Variants in CSMD3 observed in about 807,000 individuals in gnomAD.
The protein encoded by CSMD3 is CUB and Sushi multiple domains 3.
A neutral mutation model predicts 435.2 loss-of-function variants in CSMD3; 177 were observed. The ratio of observed to expected loss-of-function variants is 0.41; its 90% CI spans 0.36 to 0.46. The LOEUF is 0.46. CSMD3 is among the 20% of genes least tolerant of loss of function. The pLI, the probability that CSMD3 is intolerant of heterozygous loss-of-function variation, is 0.34. For synonymous variants in CSMD3, 1,656 were observed against 1,520.5 expected (o/e 1.09, Z -2.07); for missense variants, 4,265 against 4,504.6 (o/e 0.95, Z 1.52).
At chr8:112,227,974 A>G (rs767459383) in intron 70 of CSMD3, among the ~76,000 whole-genome samples, 14 of 152,174 alleles carry the variant, frequency 9.2e-5, no homozygotes, top group South Asian at 2.1e-4. Context: ...CCTGGGAGGC[A>G]GATGTTACAG....
In CSMD3 at chr8:112,306,142, T is replaced by C; in HGVS notation, c.7936A>G (p.Thr2646Ala). ...ACTCGCGTTCCTACCAAATAGTCTGTTGTTAGTATTCCTCCATTTGTTGGA... is the reference window on the plus strand; with the variant it reads ...ACTCGCGTTCCTACCAAATAGTCTGCTGTTAGTATTCCTCCATTTGTTGGA... ...KAPTNGGILT[T>A]DYLVGTRVTY... Residue 2646 changes from threonine (T) to alanine (A), a missense_variant, in exon 51 of 71, where the codon ACA (threonine) becomes GCA (alanine). This residue lies in a region of CSMD3 where 3,255 missense variants were observed against 3,380.2 expected (regional missense o/e 0.96). Coordinates refer to ENST00000297405, the MANE Select transcript of CSMD3 (RefSeq NM_198123.2). 1.2e-6 allele frequency: 2 copies of C among 1,613,698 alleles called. No homozygotes were observed. The highest frequency in any genetic ancestry group is 1.7e-6 in the Non-Finnish European group (2 of 1,179,752).
At chr8:113,354,078 C>T (rs117790062) in intron 1 of CSMD3, among the ~76,000 whole-genome samples, 4,324 of 152,120 alleles carry the variant, frequency 0.028, 87 homozygotes, top group Non-Finnish European at 0.04. Context: ...AGGTGAATCA[C>T]CTCTTTAAAT....
chr8:112,698,520 G>A (rs2076309667), intron 13 of CSMD3, among the ~76,000 whole-genome samples: 1 of 152,022 alleles, frequency 6.6e-6, no homozygotes, highest in Admixed American at 6.6e-5. Flanking sequence ...TTTAGGGGAT[G>A]GACAAGGAAA....
chr8:112,498,043 G>A (rs1821547582), intron 30 of CSMD3, among the ~76,000 whole-genome samples: 1 of 152,150 alleles, frequency 6.6e-6, no homozygotes, highest in East Asian at 1.9e-4. Flanking sequence ...GAAGGATGTA[G>A]TTAATGGGAT....
intron 3 of CSMD3, among the ~76,000 whole-genome samples, chr8:113,202,086 G>A (rs2092721457): frequency 1.3e-5 from 2 of 151,980 alleles, no homozygotes; most frequent in African/African-American, 2.4e-5. Flanking sequence ...TAAATTTACT[G>A]GAAGCATGCC....
chr8:112,618,461 T>A (rs1230659787), intron 22 of CSMD3, among the ~76,000 whole-genome samples: 1 of 152,126 alleles, frequency 6.6e-6, no homozygotes, highest in African/African-American at 2.4e-5. Flanking sequence ...GACTTACAAA[T>A]GAAGTTTATC....
intron 22 of CSMD3, among the ~76,000 whole-genome samples, chr8:112,594,742 C>G (rs1274835409): frequency 6.6e-6 from 1 of 152,190 alleles, no homozygotes; most frequent in African/African-American, 2.4e-5. Context: ...GAGGCACCCC[C>G]CAGTAGGGGC....
chr8:113,302,189 C>G (rs1050891205), intron 2 of CSMD3, among the ~76,000 whole-genome samples: 1 of 142,938 alleles, frequency 7.0e-6, no homozygotes, highest in Non-Finnish European at 1.5e-5. Flanking sequence ...GATATCAATA[C>G]TTTTGAGATT....
intron 32 of CSMD3, among the ~76,000 whole-genome samples, chr8:112,441,982 T>C (rs1815074454): frequency 6.6e-6 from 1 of 152,218 alleles, no homozygotes. Context: ...TATTATTCCA[T>C]TTGCATTGCT....
chr8:112,778,650 C>T (rs939440623), intron 13 of CSMD3, among the ~76,000 whole-genome samples: 3 of 151,906 alleles, frequency 2.0e-5, no homozygotes, highest in African/African-American at 7.2e-5. Flanking sequence ...CCTCCATTTG[C>T]AGGTATTTGT....
At position 113,435,710 on chromosome 8, in the gene CSMD3, G is replaced by C. The variant is rs558752598; in HGVS notation, c.178+967C>G. 4.9e-3 allele frequency among the ~76,000 whole-genome samples: 745 copies of C among 152,216 alleles called. 10 individuals are homozygous for C. The highest frequency in any genetic ancestry group is 0.017 in the African/African-American group (704 of 41,526). ...CTATTCGAGCTGCCATGAGTATGGA[G>C]AGGTGATTGTTCAAAAAATGATGGC... On this transcript the variant is annotated intron_variant, in intron 1 of 70. Transcript: ENST00000297405.
chr8:112,737,799 A>G (rs1367364991), intron 13 of CSMD3, among the ~76,000 whole-genome samples: 2 of 151,876 alleles, frequency 1.3e-5, no homozygotes, highest in African/African-American at 4.8e-5. Flanking sequence ...TTTACCTGCA[A>G]TTCAGAATTT....
At chr8:112,775,484 C>T (rs927887783) in intron 13 of CSMD3, among the ~76,000 whole-genome samples, 7 of 151,534 alleles carry the variant, frequency 4.6e-5, no homozygotes, top group East Asian at 1.9e-4. Context: ...AATTAAGTTT[C>T]GTTTTTTAGT....
At chr8:113,143,813 GT>G (rs953486158) in intron 4 of CSMD3, among the ~76,000 whole-genome samples, 3 of 151,352 alleles carry the variant, frequency 2.0e-5, no homozygotes, top group Non-Finnish European at 3.0e-5. Context: ...GTGGGAATGA[GT>G]TTGGCTATAA....
chr8:112,335,240 A>G (rs1327780031), intron 45 of CSMD3, 89 bp downstream of exon 45: 1 of 1,281,396 alleles, frequency 7.8e-7, no homozygotes, highest in African/African-American at 1.5e-5. Flanking sequence ...TACCTTTTCA[A>G]TCATTGGTTA....
At chr8:112,638,369 T>A (rs906788826) in intron 21 of CSMD3, among the ~76,000 whole-genome samples, 8 of 151,074 alleles carry the variant, frequency 5.3e-5, no homozygotes, top group African/African-American at 1.7e-4. Context: ...TTTTAATTTT[T>A]ATTTTGTGTT....
chr8:113,096,464 A>G (rs2090165455), intron 5 of CSMD3, among the ~76,000 whole-genome samples: 2 of 152,062 alleles, frequency 1.3e-5, no homozygotes, highest in Admixed American at 1.3e-4. Context: ...TTCTTATTTC[A>G]TAATTATAAA....
chr8:112,510,048 C>T (rs956574331), intron 28 of CSMD3, among the ~76,000 whole-genome samples: 1 of 152,082 alleles, frequency 6.6e-6, no homozygotes, highest in African/African-American at 2.4e-5. Context: ...GCCTAAGAGT[C>T]TTCTCTTTTT....
chr8:112,675,244 T>C (rs2131744981), intron 16 of CSMD3, among the ~76,000 whole-genome samples: 1 of 152,224 alleles, frequency 6.6e-6, no homozygotes, highest in South Asian at 2.1e-4. Flanking sequence ...TTCAAAATCA[T>C]TTCGAGTATC....
Sources: gnomAD v4.1 joint callset for allele counts (sites outside exome capture counted in the v4.1 genomes callset) on GRCh38, gnomAD v4.1.1 for gene constraint, gnomAD v4.1.1 regional missense constraint, MANE v1.5 for transcripts, NCBI Gene and HGNC (gene_info 2026-07-23, HGNC 2026-07-21) for gene names.